Variants in SESN1 observed in about 807,000 individuals in gnomAD.
SESN1 encodes the protein sestrin-1.
SESN1 carries 30 observed loss-of-function variants against 59.3 expected under a neutral mutation model. The observed-to-expected ratio is 0.51, with a 90% CI of 0.38 to 0.69. The LOEUF (loss-of-function observed/expected upper bound fraction) is 0.69, where lower values mean the gene tolerates loss of function less well. Ranked by LOEUF, SESN1 falls within the 30% of genes least tolerant of loss-of-function variation. SESN1 has a pLI of 0.00. For missense variants in SESN1, 566 were observed against 673.0 expected, an observed-to-expected ratio of 0.84 and a Z score of 1.76; for synonymous variants, 197 against 219.9, an observed-to-expected ratio of 0.90 and a Z score of 0.92.
intron 1 of SESN1, among the ~76,000 whole-genome samples, chr6:109,009,767 T>C (rs1336700959): frequency 6.6e-6 from 1 of 151,852 alleles, no homozygotes; most frequent in Non-Finnish European, 1.5e-5. Flanking sequence ...AATTCTCAGG[T>C]ACGGAATGGG....
chr6:109,018,124 T>C (rs1270639620), intron 1 of SESN1, among the ~76,000 whole-genome samples: 2 of 152,248 alleles, frequency 1.3e-5, no homozygotes, highest in East Asian at 3.8e-4. Flanking sequence ...CCTTGTATAT[T>C]ATCAGTGGTT....
chr6:109,022,119 T>C (rs1780021716), intron 1 of SESN1, among the ~76,000 whole-genome samples: 1 of 152,136 alleles, frequency 6.6e-6, no homozygotes, highest in South Asian at 2.1e-4. Flanking sequence ...TCTCCTTTCT[T>C]CTTTTAATTT....
At chr6:109,022,713 C>T (rs894827671) in intron 1 of SESN1, among the ~76,000 whole-genome samples, 2 of 151,950 alleles carry the variant, frequency 1.3e-5, no homozygotes, top group African/African-American at 4.8e-5. Flanking sequence ...CATGCCTGGC[C>T]GTTCTAAAGC....
chr6:109,059,577 C>T (rs1780697121), intron 1 of SESN1: 1 of 152,056 alleles, frequency 6.6e-6, no homozygotes, highest in Non-Finnish European at 1.5e-5. Context: ...TTCTCTGTAT[C>T]ATTCCAACTT....
Position 109,009,679 on chromosome 6 carries a change from C to G in SESN1, c.280-7336G>C, listed in dbSNP as rs545371762. 3.0e-3 allele frequency: 1,522 copies of G among 500,338 alleles called. 4 individuals carry two copies. The highest frequency in any genetic ancestry group is 3.7e-3 in the Non-Finnish European group (1,389 of 377,686). The allele number at this position is 500,338 out of a possible 1,614,324, so 31.0% of individuals were successfully genotyped here. A position where few individuals can be genotyped will look rare whatever the true frequency, so the allele number is the denominator to read the frequency against. On this transcript the variant is annotated intron_variant, in intron 1 of 9. Coordinates refer to ENST00000436639, the MANE Select transcript of SESN1 (RefSeq NM_014454.3). ...TCCCCGCAAAGCACCGCCCCTCCGG[C>G]GCGGAGGCTGGGAACTGGCGGTCTG...
chr6:109,085,403 C>T (rs1781197052), intron 1 of SESN1, among the ~76,000 whole-genome samples: 1 of 152,090 alleles, frequency 6.6e-6, no homozygotes, highest in African/African-American at 2.4e-5. Context: ...CCTGTAGTCC[C>T]AGCTACTTGG....
At chr6:109,010,588 T>C (rs980978594) in intron 1 of SESN1, among the ~76,000 whole-genome samples, 3 of 152,228 alleles carry the variant, frequency 2.0e-5, no homozygotes, top group East Asian at 3.8e-4. Flanking sequence ...AAGTTACTCT[T>C]TTAGCTCTTC....
At chr6:109,015,000 T>C (rs894096234) in intron 1 of SESN1, among the ~76,000 whole-genome samples, 1 of 152,206 alleles carries the variant, frequency 6.6e-6, no homozygotes, top group African/African-American at 2.4e-5. Context: ...ATTTCCAATG[T>C]CCTAGTGCCC....
intron 1 of SESN1, among the ~76,000 whole-genome samples, chr6:109,065,931 G>A (rs1227308483): frequency 2.6e-5 from 4 of 151,708 alleles, no homozygotes; most frequent in Non-Finnish European, 4.4e-5. Context: ...ACTCCTTTTC[G>A]TCTAATGTAA....
intron 2 of SESN1, among the ~76,000 whole-genome samples, 183 bp from the exon 3 acceptor site, chr6:109,001,671 A>G (rs931288804): frequency 2.6e-5 from 4 of 152,170 alleles, no homozygotes; most frequent in Admixed American, 6.5e-5. Context: ...TACATATTAT[A>G]TAGTAGGGGA....
chr6:109,018,144 T>C (rs1779955972), intron 1 of SESN1, among the ~76,000 whole-genome samples: 1 of 152,272 alleles, frequency 6.6e-6, no homozygotes, highest in Admixed American at 6.5e-5. Flanking sequence ...TTTCAAATTA[T>C]ATTTCTTAAA....
chr6:109,027,319 A>T (rs1168967428), intron 1 of SESN1, among the ~76,000 whole-genome samples: 1 of 151,524 alleles, frequency 6.6e-6, no homozygotes, highest in African/African-American at 2.4e-5. Context: ...CTAAAAATAT[A>T]AAAAAAATTT....
chr6:109,086,739 T>C (rs1435615384), intron 1 of SESN1, among the ~76,000 whole-genome samples: 1 of 149,736 alleles, frequency 6.7e-6, no homozygotes, highest in East Asian at 1.9e-4. Context: ...AAATACTATA[T>C]CCCATTTGTA....
intron 1 of SESN1, among the ~76,000 whole-genome samples, chr6:109,017,086 A>G (rs913115075): frequency 1.3e-5 from 2 of 152,104 alleles, no homozygotes; most frequent in African/African-American, 4.8e-5. Flanking sequence ...AATGAAAGTT[A>G]TATTGTGAAG....
chr6:109,051,275 A>G (rs1328160571), intron 1 of SESN1, among the ~76,000 whole-genome samples: 2 of 152,208 alleles, frequency 1.3e-5, no homozygotes, highest in African/African-American at 2.4e-5. Context: ...ATTTCAGAGG[A>G]TCAGAATATT....
At chr6:108,990,905 G>T in intron 7 of SESN1, 70 bp from the exon 8 acceptor site, 1 of 1,321,076 alleles carries the variant, frequency 7.6e-7, no homozygotes. Flanking sequence ...TAGCTCTGTA[G>T]CATGGTAAAA....
chr6:109,027,134 C>T (rs1403668833), intron 1 of SESN1, among the ~76,000 whole-genome samples: 2 of 152,038 alleles, frequency 1.3e-5, no homozygotes, highest in Non-Finnish European at 2.9e-5. Flanking sequence ...TGCATCACTG[C>T]ATTCCAGCCT....
chr6:108,994,636 C>T (rs1418350384), intron 5 of SESN1, 27 bp from the exon 6 acceptor site: 1 of 1,544,922 alleles, frequency 6.5e-7, no homozygotes. Context: ...ATTAATGTTA[C>T]ATGTGGCAGA....
rs947793202 is a variant in SESN1, at chr6:108,986,834, C to T, written c.*710G>A. On this transcript the variant is annotated 3_prime_UTR_variant, in exon 10 of 10. Transcript: ENST00000436639. ...AAGATCGCCAGCTTCTTATAATTTA[C>T]ACACTTTCATTTAGGATTGCTTTTT... 10 of 152,212 alleles carry T rather than the reference C, an allele frequency of 6.6e-5. No individual in the cohort carries two copies. Among genetic ancestry groups the T allele is most frequent in the African/African-American group, 2.4e-4 (10 of 41,456 alleles). 9.4% of individuals were successfully genotyped at this position (152,212 alleles called of 1,614,324 possible).
Sources: gnomAD v4.1 joint callset for allele counts (sites outside exome capture counted in the v4.1 genomes callset) on GRCh38, gnomAD v4.1.1 for gene constraint, MANE v1.5 for transcripts, NCBI Gene and HGNC (gene_info 2026-07-23, HGNC 2026-07-21) for gene names.